TRIB3: variants seen among roughly 807,000 people sequenced by gnomAD.
The protein encoded by TRIB3 is tribbles pseudokinase 3.
A neutral mutation model predicts 16.6 loss-of-function variants in TRIB3; 20 were observed. The observed-to-expected ratio is 1.20, with a 90% CI of 0.85 to 1.75. The LOEUF (loss-of-function observed/expected upper bound fraction) is 1.75, where lower values mean the gene tolerates loss of function less well. Among genes scored for constraint, TRIB3 ranks in the 40% most tolerant of loss-of-function variants. The pLI is 0.00. For missense variants in TRIB3, 484 were observed against 488.9 expected, an observed-to-expected ratio of 0.99 and a Z score of 0.10; for synonymous variants, 208 against 217.0, an observed-to-expected ratio of 0.96 and a Z score of 0.36.
intron 3 of TRIB3, among the ~76,000 whole-genome samples, chr20:395,894 C>G (rs1410091760): frequency 6.6e-6 from 1 of 152,184 alleles, no homozygotes; most frequent in Non-Finnish European, 1.5e-5. Context: ...AAGTTTGTAG[C>G]TGGTTTAAGA....
chr20:385,273 C>T (rs528869380), intron 1 of TRIB3, among the ~76,000 whole-genome samples: 167 of 152,160 alleles, frequency 1.1e-3, no homozygotes, highest in African/African-American at 3.7e-3. Flanking sequence ...CCACCACGCC[C>T]GGCTAATTTT....
At chr20:386,718 C>A (rs1011341399) in intron 1 of TRIB3, among the ~76,000 whole-genome samples, 1 of 151,762 alleles carries the variant, frequency 6.6e-6, no homozygotes, top group East Asian at 1.9e-4. Context: ...GATTACAGGC[C>A]CACGCCACCA....
Position 396,682 on chromosome 20 carries a change from T to C in TRIB3, c.1069T>C (p.Tyr357His). The change falls in exon 4 of 4, where the codon TAT becomes CAT. Residue 357 changes from tyrosine (Y) to histidine (H), a missense_variant. Transcript: ENST00000217233. ...GGAGGGAGACAGAGAAGTGGTTCTG[T>C]ATGGCTAGGACCACCCTACTACACG... is the stretch of plus-strand genomic sequence containing the variant. ...EEEGDREVVL[Y>H]G 1.2e-6 allele frequency: 2 copies of C among 1,609,230 alleles called. No homozygotes were observed. Among genetic ancestry groups the C allele is most frequent in the East Asian group, 2.2e-5 (1 of 44,786 alleles).
chr20:394,863 C>A (rs1309573159), intron 3 of TRIB3, among the ~76,000 whole-genome samples: 2 of 152,036 alleles, frequency 1.3e-5, no homozygotes, highest in East Asian at 3.8e-4. Flanking sequence ...TTAGATAGAC[C>A]TGTGTTTAAA....
Position 388,210 on chromosome 20 carries a change from G to T in TRIB3, c.200G>T (p.Arg67Leu). 6.2e-7 allele frequency: 1 copy of T among 1,613,874 alleles called. No homozygotes were observed. The highest frequency in any genetic ancestry group is 8.5e-7 in the Non-Finnish European group (1 of 1,180,024). ...GCAACTGCTGTGGCCACTGCCTCCC[G>T]TCTTGGGCCCTATGTCCTCCTGGAG... ...DRATAVATAS[R>L]LGPYVLLEPE... The change falls in exon 2 of 4, where the codon CGT (arginine) becomes CTT (leucine). Residue 67 changes from arginine (R) to leucine (L), a missense_variant. Coordinates refer to ENST00000217233, the MANE Select transcript of TRIB3 (RefSeq NM_021158.5).
intron 1 of TRIB3, 45 bp from the exon 2 acceptor site, chr20:387,966 C>A: frequency 6.3e-7 from 1 of 1,580,394 alleles, no homozygotes; most frequent in Non-Finnish European, 8.6e-7. Context: ...AAAGGAGGGG[C>A]CACCAAGCAG....
chr20:387,036 C>T (rs902995886), intron 1 of TRIB3, among the ~76,000 whole-genome samples: 13 of 152,190 alleles, frequency 8.5e-5, no homozygotes, highest in Non-Finnish European at 1.8e-4. Flanking sequence ...CAGGCGTGAG[C>T]CACCACGCCT....
chr20:381,617 C>T (rs977980186), intron 1 of TRIB3: 13 of 152,552 alleles, frequency 8.5e-5, no homozygotes, highest in African/African-American at 3.1e-4. Flanking sequence ...GGGGAGAGTC[C>T]TGGGTGAGGG....
At chr20:382,442 C>A in intron 1 of TRIB3, 1 of 1,246,364 alleles carries the variant, frequency 8.0e-7, no homozygotes, top group South Asian at 1.4e-5. Flanking sequence ...GGGCACAAAG[C>A]ATGTGCACAG....
intron 2 of TRIB3, among the ~76,000 whole-genome samples, chr20:390,941 G>A (rs747525821): frequency 1.4e-5 from 2 of 146,688 alleles, no homozygotes; most frequent in Non-Finnish European, 3.0e-5. Flanking sequence ...GGCGGAGTTT[G>A]CAGTGAGCTG....
At chr20:387,056 ATACATT>A (rs2014837007) in intron 1 of TRIB3, among the ~76,000 whole-genome samples, 1 of 152,160 alleles carries the variant, frequency 6.6e-6, no homozygotes, top group Admixed American at 6.5e-5. Context: ...TGGCCAGGAA[ATACATT>A]TACATGGCTC....
At chr20:394,032 C>CT (rs745870371) in intron 3 of TRIB3, among the ~76,000 whole-genome samples, 19,797 of 123,520 alleles carry the variant, frequency 0.16, 1,631 homozygotes, top group African/African-American at 0.2. Flanking sequence ...TTCTTTCTTT[C>CT]TTTTTTTTTT....
At chr20:395,821 C>G (rs2143527) in intron 3 of TRIB3, among the ~76,000 whole-genome samples, 22,427 of 152,016 alleles carry the variant, frequency 0.15, 2,358 homozygotes, top group African/African-American at 0.29. Flanking sequence ...TTTTAGGTAG[C>G]GCTTGTGCTG....
chr20:381,924 C>A (rs898665612), intron 1 of TRIB3, among the ~76,000 whole-genome samples: 1 of 152,210 alleles, frequency 6.6e-6, no homozygotes, highest in African/African-American at 2.4e-5. Context: ...CTCCTTCCCT[C>A]TGCCTCACCC....
At chr20:396,153 G>A (rs756720455) in intron 3 of TRIB3, 45 bp from the exon 4 acceptor site, 18 of 1,568,464 alleles carry the variant, frequency 1.1e-5, no homozygotes, top group African/African-American at 4.0e-5. Flanking sequence ...GTGGCATGGG[G>A]GTTCTGGGTA....
chr20:385,054 CAT>C (rs1382925277), intron 1 of TRIB3, among the ~76,000 whole-genome samples: 1 of 152,196 alleles, frequency 6.6e-6, no homozygotes, highest in African/African-American at 2.4e-5. Flanking sequence ...CCACCTCTGC[CAT>C]ATGATGCTCG....
Position 391,479 on chromosome 20 carries a change from C to T in TRIB3, c.484C>T (p.Leu162Phe). ...TATCCCTGAGCCTGAGGCTGCCGTG[C>T]TCTTCCGCCAGATGGCCACCGCCCT... is the stretch of plus-strand genomic sequence containing the variant. ...HRIPEPEAAV[L>F]FRQMATALAH... The change falls in exon 3 of 4, where the codon CTC becomes TTC. Residue 162 changes from leucine (L) to phenylalanine (F), a missense_variant. Leu to Phe is a conservative substitution (Grantham distance 22). Transcript: ENST00000217233. The T allele has an allele frequency of 1.9e-6, 3 of 1,613,862 alleles. No homozygotes were observed. Among genetic ancestry groups the T allele is most frequent in the Non-Finnish European group, 2.5e-6 (3 of 1,180,010 alleles).
Position 396,313 on chromosome 20 carries a change from C to T in TRIB3, c.700C>T (p.Arg234Trp), listed in dbSNP as rs149061553. 6.2e-5 allele frequency: 100 copies of T among 1,613,678 alleles called. No individual in the cohort carries two copies. The highest frequency in any genetic ancestry group is 2.7e-4 in the East Asian group (12 of 44,898). Residue 234 changes from arginine to tryptophan, a missense_variant, in exon 4 of 4, where the codon CGG (arginine) becomes TGG (tryptophan). By Grantham distance (101) the Arg-to-Trp change is moderately radical. Transcript: ENST00000217233. ...CGTGGGACCTGAGATACTCAGCTCA[C>T]GGGCCTCATACTCGGGCAAGGCAGC... ...AYVGPEILSS[R>W]ASYSGKAADV...
At chr20:388,583 C>T (rs980047991) in intron 2 of TRIB3, among the ~76,000 whole-genome samples, 4 of 151,874 alleles carry the variant, frequency 2.6e-5, no homozygotes, top group African/African-American at 9.7e-5. Flanking sequence ...AGAAGTTAGC[C>T]AGGTAGAAGT....
Sources: gnomAD v4.1 joint callset for allele counts (sites outside exome capture counted in the v4.1 genomes callset) on GRCh38, gnomAD v4.1.1 for gene constraint, MANE v1.5 for transcripts, NCBI Gene and HGNC (gene_info 2026-07-23, HGNC 2026-07-21) for gene names.